The following SLC4A8 variants were observed in gnomAD, a reference collection of about 807,000 sequenced individuals.
The protein encoded by SLC4A8 is solute carrier family 4 member 8, also known as electroneutral sodium bicarbonate exchanger 1.
In SLC4A8, 40 loss-of-function variants were observed where a neutral mutation model predicts 125.0. The observed-to-expected ratio is 0.32, with a 90% CI of 0.25 to 0.42. SLC4A8 has a LOEUF of 0.42. Among genes scored for constraint, SLC4A8 ranks in the 10% least tolerant of loss-of-function variants. The pLI is 1.00. For synonymous variants in SLC4A8, 456 were observed against 476.0 expected (o/e 0.96, Z 0.55); for missense variants, 863 against 1,355.1 (o/e 0.64, Z 5.70).
Position 51,491,283 on chromosome 12 carries a change from C to T in SLC4A8, c.2700+1332C>T, listed in dbSNP as rs529615923. On this transcript the variant is annotated intron_variant, in intron 19 of 24. Transcript: ENST00000453097. ...ACAGCACATAGGTGGTATTGAAAGCCGAGGGAATAGATGAGAGAACTCAGG... is the reference window on the plus strand; with the variant it reads ...ACAGCACATAGGTGGTATTGAAAGCTGAGGGAATAGATGAGAGAACTCAGG... Among the ~76,000 whole-genome samples, 12 of 151,588 alleles carry T rather than the reference C, an allele frequency of 7.9e-5. 1 individual carries two copies. Among genetic ancestry groups the T allele is most frequent in the African/African-American group, 2.4e-4 (10 of 41,254 alleles).
chr12:51,457,560 T>C, intron 6 of SLC4A8, 21 bp downstream of exon 6: 1 of 1,599,686 alleles, frequency 6.3e-7, no homozygotes, highest in Non-Finnish European at 8.5e-7. Flanking sequence ...TAGGTGATTT[T>C]TCTCTCTTTA....
chr12:51,433,856 T>G (rs1365938227), intron 1 of SLC4A8, among the ~76,000 whole-genome samples: 6 of 58,278 alleles, frequency 1.0e-4, no homozygotes, highest in Admixed American at 3.1e-4. Flanking sequence ...CATCTGTTTT[T>G]TTTTTTTTTT....
At chr12:51,452,077 C>A in intron 3 of SLC4A8, 47 bp from the exon 4 acceptor site, 1 of 1,600,730 alleles carries the variant, frequency 6.2e-7, no homozygotes, top group South Asian at 1.1e-5. Flanking sequence ...TATTTCTGTT[C>A]TAAGTGTGAG....
At chr12:51,441,183 T>C (rs1949582371) in intron 2 of SLC4A8, 1 of 984,884 alleles carries the variant, frequency 1.0e-6, no homozygotes, top group African/African-American at 1.7e-5. Flanking sequence ...AAACTCATTT[T>C]GGCTACAAAA....
chr12:51,478,263 A>G (rs1194150834), intron 16 of SLC4A8, among the ~76,000 whole-genome samples: 8 of 143,082 alleles, frequency 5.6e-5, no homozygotes, highest in Non-Finnish European at 9.1e-5. Flanking sequence ...GGACAGAGCG[A>G]AACTCCGTCT....
chr12:51,501,047 T>C (rs760133739), intron 22 of SLC4A8, among the ~76,000 whole-genome samples: 1 of 152,194 alleles, frequency 6.6e-6, no homozygotes, highest in Non-Finnish European at 1.5e-5. Flanking sequence ...GCCAGGATGG[T>C]CTCGATCTCC....
At chr12:51,401,508 G>A (rs1479547838) in intron 1 of SLC4A8, among the ~76,000 whole-genome samples, 1 of 152,172 alleles carries the variant, frequency 6.6e-6, no homozygotes, top group Non-Finnish European at 1.5e-5. Flanking sequence ...GCGTGCCAGC[G>A]TGCTGGCATC....
chr12:51,475,197 CCCAA>C lies in SLC4A8; in HGVS notation c.2167_2170del (p.Thr723GlufsTer6). The stretch of plus-strand genomic sequence containing the variant: ...AGACGTTTAAGACGAGCCGTTATTT[CCCAA>C]CCAGAGTAGGTAGCATGTTCATGCA... On this transcript the variant is annotated frameshift_variant, in exon 16 of 25. Coordinates refer to ENST00000453097, the MANE Select transcript of SLC4A8 (RefSeq NM_001039960.3). LOFTEE classifies it high-confidence loss of function. 2 of 1,614,010 alleles carry C rather than the reference CCCAA, an allele frequency of 1.2e-6. No individual in the cohort carries two copies.
chr12:51,429,224 G>A (rs1440357278), intron 1 of SLC4A8, among the ~76,000 whole-genome samples: 1 of 152,276 alleles, frequency 6.6e-6, no homozygotes. Context: ...GAGAGGTTAA[G>A]TAATTCTAAG....
chr12:51,427,095 C>A (rs527894403), intron 1 of SLC4A8, among the ~76,000 whole-genome samples: 5 of 151,988 alleles, frequency 3.3e-5, no homozygotes, highest in African/African-American at 1.2e-4. Flanking sequence ...CCTTCCACCA[C>A]GCCCGGCTAA....
At chr12:51,479,642 C>A (rs1950960732) in intron 16 of SLC4A8, among the ~76,000 whole-genome samples, 1 of 145,698 alleles carries the variant, frequency 6.9e-6, no homozygotes, top group Admixed American at 7.0e-5. Context: ...GAGATCGTGC[C>A]ACTGCATTCC....
intron 1 of SLC4A8, 98 bp downstream of exon 1, chr12:51,425,133 C>G: frequency 6.8e-7 from 1 of 1,470,954 alleles, no homozygotes; most frequent in Non-Finnish European, 9.0e-7. Flanking sequence ...CCCAGGCTTC[C>G]CAGGCCGCTC....
At chr12:51,500,645 G>T (rs565088600) in intron 22 of SLC4A8, among the ~76,000 whole-genome samples, 4 of 151,632 alleles carry the variant, frequency 2.6e-5, no homozygotes, top group African/African-American at 9.6e-5. Context: ...TGTACAGATA[G>T]TTTTTTCTCT....
chr12:51,485,606 T>G (rs546823320), intron 16 of SLC4A8, among the ~76,000 whole-genome samples, 181 bp from the exon 17 acceptor site: 6 of 152,340 alleles, frequency 3.9e-5, no homozygotes, highest in African/African-American at 1.4e-4. Context: ...CCTCATCATA[T>G]CCACACTTTA....
In SLC4A8 at chr12:51,440,431, A is replaced by T. The variant is rs561810611; in HGVS notation, c.49-277A>T. On this transcript the variant is annotated intron_variant, in intron 1 of 24. Transcript: ENST00000453097. ...CTCTGTTTTTTTTTTTTTTTAAAAGACCTAGGCTCAGTCCTAGCTCCGCCT... is the reference window on the plus strand; with the variant it reads ...CTCTGTTTTTTTTTTTTTTTAAAAGTCCTAGGCTCAGTCCTAGCTCCGCCT... 3.3e-5 allele frequency among the ~76,000 whole-genome samples: 5 copies of T among 149,958 alleles called. No individual in the cohort carries two copies. The East Asian group carries it at 9.7e-4, about 29-fold the overall frequency.
chr12:51,480,267 A>G, intron 16 of SLC4A8: 2 of 1,269,578 alleles, frequency 1.6e-6, no homozygotes, highest in Non-Finnish European at 1.0e-6. Context: ...GAGTTGGGAA[A>G]AACTGGAGCA....
chr12:51,507,469 G>C lies in SLC4A8; in HGVS notation c.*31G>C. On this transcript the variant is annotated 3_prime_UTR_variant, in exon 25 of 25. Coordinates refer to ENST00000453097, the MANE Select transcript of SLC4A8 (RefSeq NM_001039960.3). ...TTTGCTGGGATGGAAGATTTGGGCC[G>C]TGTGGTGCCTCAGGGAAGTTCTGGT... is the stretch of plus-strand genomic sequence containing the variant. 7.3e-7 allele frequency: 1 copy of C among 1,374,162 alleles called. No individual in the cohort carries two copies. The highest frequency in any genetic ancestry group is 9.5e-7 in the Non-Finnish European group (1 of 1,055,124). 85.1% of individuals were successfully genotyped at this position (1,374,162 alleles called of 1,614,324 possible). A position where few individuals can be genotyped will look rare whatever the true frequency, so the allele number is the denominator to read the frequency against.
chr12:51,473,333 T>A (rs1259334616), intron 14 of SLC4A8, among the ~76,000 whole-genome samples: 1 of 152,242 alleles, frequency 6.6e-6, no homozygotes, highest in African/African-American at 2.4e-5. Context: ...TTCTTTCACT[T>A]TGTAATATGC....
chr12:51,471,448 A>G lies in SLC4A8; in HGVS notation c.1820A>G (p.Tyr607Cys), dbSNP rs780433773. Reference sequence around the variant, plus strand: ...TCCCTAATTTGCATTATTTTCATCTATGAAGCAATAGAAAAACTGATTCAC... The same window carrying G: ...TCCCTAATTTGCATTATTTTCATCTGTGAAGCAATAGAAAAACTGATTCAC... ...FASLICIIFI[Y>C]EAIEKLIHLA... Residue 607 changes from tyrosine to cysteine, a missense_variant, in exon 14 of 25, where the codon TAT becomes TGT. Tyr to Cys is a radical substitution (Grantham distance 194, BLOSUM62 -2). Coordinates refer to ENST00000453097, the MANE Select transcript of SLC4A8 (RefSeq NM_001039960.3). The G allele has an allele frequency of 3.7e-6, 6 of 1,614,066 alleles. No individual in the cohort carries two copies. The African/African-American group carries it at 4.0e-5, about 11-fold the overall frequency.
Sources: allele counts gnomAD v4.1 joint callset (sites outside exome capture counted in the v4.1 genomes callset), GRCh38; gene constraint gnomAD v4.1.1; transcripts MANE v1.5; gene names NCBI Gene and HGNC (gene_info 2026-07-23, HGNC 2026-07-21).